The following ROBO2 variants were observed in gnomAD, a reference collection of about 807,000 sequenced individuals.
ROBO2 encodes the protein roundabout homolog 2.
A neutral mutation model predicts 160.8 loss-of-function variants in ROBO2; 53 were observed. The ratio of observed to expected loss-of-function variants is 0.33; its 90% CI spans 0.26 to 0.41. The LOEUF (loss-of-function observed/expected upper bound fraction) is 0.41, where lower values mean the gene tolerates loss of function less well. ROBO2 is among the 10% of genes least tolerant of loss of function. ROBO2 has a pLI of 1.00. For synonymous variants in ROBO2, 664 were observed against 611.7 expected (o/e 1.09, Z -1.26); for missense variants, 1,577 against 1,722.4 (o/e 0.92, Z 1.49).
intron 2 of ROBO2, among the ~76,000 whole-genome samples, chr3:77,250,335 C>T (rs561708651): frequency 6.6e-6 from 1 of 152,192 alleles, no homozygotes; most frequent in South Asian, 2.1e-4. Flanking sequence ...CTGGTCTGTG[C>T]TATTCCATAC....
At chr3:77,638,818 CTTTTTTTTT>C (rs34034420) in intron 24 of ROBO2, among the ~76,000 whole-genome samples, 1 of 51,270 alleles carries the variant, frequency 2.0e-5, no homozygotes, top group Non-Finnish European at 3.4e-5. Flanking sequence ...TTTCACCTAG[CTTTTTTTTT>C]TTTTTTTTTT....
intron 24 of ROBO2, among the ~76,000 whole-genome samples, chr3:77,641,047 C>G (rs538358427): frequency 6.6e-6 from 1 of 152,198 alleles, no homozygotes; most frequent in South Asian, 2.1e-4. Context: ...AGTCTAAGTT[C>G]AATCAATCAA....
At chr3:76,351,101 C>G (rs955500906) in intron 2 of ROBO2, among the ~76,000 whole-genome samples, 1 of 151,826 alleles carries the variant, frequency 6.6e-6, no homozygotes, top group East Asian at 1.9e-4. Flanking sequence ...GAATTTTCCT[C>G]AACCCTCTCA....
intron 2 of ROBO2, among the ~76,000 whole-genome samples, chr3:76,604,682 T>C (rs1225321804): frequency 6.6e-6 from 1 of 152,194 alleles, no homozygotes; most frequent in African/African-American, 2.4e-5. Context: ...GTAGTTATGC[T>C]ACTCAAATGC....
intron 5 of ROBO2, among the ~76,000 whole-genome samples, chr3:77,515,817 G>A (rs954627038): frequency 6.6e-6 from 1 of 151,542 alleles, no homozygotes; most frequent in Non-Finnish European, 1.5e-5. Context: ...CTTTGCTACC[G>A]ATGAATTCCA....
chr3:77,388,631 T>C (rs966482036), intron 2 of ROBO2, among the ~76,000 whole-genome samples: 4 of 152,178 alleles, frequency 2.6e-5, no homozygotes, highest in African/African-American at 7.2e-5. Flanking sequence ...ATATTTAAGG[T>C]GATACAACAT....
chr3:77,389,026 C>A (rs1169571607), intron 2 of ROBO2, among the ~76,000 whole-genome samples: 2 of 152,176 alleles, frequency 1.3e-5, no homozygotes, highest in Non-Finnish European at 2.9e-5. Flanking sequence ...CTCACCTCAA[C>A]CTTCACTTAC....
At chr3:76,865,358 G>A (rs1435066135) in intron 2 of ROBO2, among the ~76,000 whole-genome samples, 1 of 150,718 alleles carries the variant, frequency 6.6e-6, no homozygotes, top group East Asian at 2.0e-4. Context: ...ATTGTTATTA[G>A]ATTCAAGAGC....
At chr3:76,232,602 T>C (rs1704687387) in intron 2 of ROBO2, among the ~76,000 whole-genome samples, 1 of 152,250 alleles carries the variant, frequency 6.6e-6, no homozygotes, top group Non-Finnish European at 1.5e-5. Context: ...AGTCATTGTA[T>C]CTGAATTGTC....
intron 2 of ROBO2, among the ~76,000 whole-genome samples, chr3:76,385,055 T>C (rs1425243068): frequency 6.6e-6 from 1 of 152,150 alleles, no homozygotes; most frequent in Non-Finnish European, 1.5e-5. Context: ...AGTGCAGTGG[T>C]GCAATTATGG....
At chr3:76,334,993 T>A in intron 2 of ROBO2, among the ~76,000 whole-genome samples, 1 of 152,148 alleles carries the variant, frequency 6.6e-6, no homozygotes, top group East Asian at 1.9e-4. Flanking sequence ...TTCAAATGCT[T>A]TTTTTCATCT....
chr3:77,349,751 C>A (rs1038435511), intron 2 of ROBO2, among the ~76,000 whole-genome samples: 1 of 152,044 alleles, frequency 6.6e-6, no homozygotes, highest in African/African-American at 2.4e-5. Context: ...TAGTTAATGA[C>A]AATAAACATT....
chr3:76,192,907 T>G (rs112453293), intron 2 of ROBO2, among the ~76,000 whole-genome samples: 4,790 of 152,268 alleles, frequency 0.031, 112 homozygotes, highest in Non-Finnish European at 0.048. Flanking sequence ...ATAGGTCAAT[T>G]TATGCTGCCC....
chr3:77,579,987 A>G (rs2093872419), exon 16 of ROBO2: 1 of 1,613,698 alleles, frequency 6.2e-7, no homozygotes, highest in African/African-American at 1.3e-5. Context: ...CATATCAACA[A>G]AACTGTGGAT....
intron 2 of ROBO2, among the ~76,000 whole-genome samples, chr3:76,149,702 T>G (rs78024215): frequency 8.8e-6 from 1 of 114,176 alleles, no homozygotes; most frequent in Middle Eastern, 5.5e-3. Flanking sequence ...ACACATCTGT[T>G]TAAAGCACAA....
chr3:76,192,593 C>T (rs1227455011), intron 2 of ROBO2, among the ~76,000 whole-genome samples: 3 of 144,980 alleles, frequency 2.1e-5, no homozygotes, highest in African/African-American at 5.1e-5. Flanking sequence ...TTTTTTTTTA[C>T]ATTTATACCC....
chr3:76,533,788 T>C (rs902117804), intron 2 of ROBO2, among the ~76,000 whole-genome samples: 27 of 151,874 alleles, frequency 1.8e-4, no homozygotes, highest in Admixed American at 2.6e-4. Flanking sequence ...ACAAGGTGCA[T>C]GGTGGAGAGA....
At chr3:76,127,811 A>G (rs1003469465) in intron 2 of ROBO2, among the ~76,000 whole-genome samples, 1 of 151,898 alleles carries the variant, frequency 6.6e-6, no homozygotes, top group Non-Finnish European at 1.5e-5. Flanking sequence ...CAAAATATCT[A>G]TGAAGCAAAA....
At chr3:77,595,237 G>A in intron 18 of ROBO2, 53 bp downstream of exon 19, 1 of 1,356,122 alleles carries the variant, frequency 7.4e-7, no homozygotes, top group Non-Finnish European at 1.1e-6. Context: ...CAGGACTGGG[G>A]AAACTCTATA....
Sources: allele counts gnomAD v4.1 joint callset (sites outside exome capture counted in the v4.1 genomes callset), GRCh38; gene constraint gnomAD v4.1.1; transcripts MANE v1.5; gene names NCBI Gene and HGNC (gene_info 2026-07-23, HGNC 2026-07-21).